Variants in CHD6 observed in about 807,000 individuals in gnomAD.
CHD6 encodes the protein ATP-dependent chromatin remodeler CHD6.
CHD6 carries 50 observed loss-of-function variants against 276.9 expected under a neutral mutation model. The ratio of observed to expected loss-of-function variants is 0.18; its 90% CI spans 0.14 to 0.23. The LOEUF is 0.23. Among genes scored for constraint, CHD6 ranks in the 10% least tolerant of loss-of-function variants. The pLI is 1.00. For synonymous variants in CHD6, 1,173 were observed against 1,229.3 expected, an observed-to-expected ratio of 0.95 and a Z score of 0.96; for missense variants, 2,564 against 3,365.8, an observed-to-expected ratio of 0.76 and a Z score of 5.89.
chr20:41,410,970 A>G (rs2046825159), intron 36 of CHD6, among the ~76,000 whole-genome samples: 1 of 152,182 alleles, frequency 6.6e-6, no homozygotes. Flanking sequence ...GGAAAGACAG[A>G]GGGGACACAA....
intron 1 of CHD6, among the ~76,000 whole-genome samples, chr20:41,576,854 T>C (rs1047904944): frequency 3.3e-5 from 5 of 152,214 alleles, no homozygotes; most frequent in Admixed American, 6.5e-5. Flanking sequence ...GATGTAGTCA[T>C]GTTCTCACCC....
intron 17 of CHD6, among the ~76,000 whole-genome samples, chr20:41,468,704 A>G (rs1262182674): frequency 6.6e-6 from 1 of 152,148 alleles, no homozygotes; most frequent in Non-Finnish European, 1.5e-5. Context: ...AACTCCAGAC[A>G]CACGTACTGT....
At chr20:41,592,388 T>C (rs141700237) in intron 1 of CHD6, among the ~76,000 whole-genome samples, 97 of 152,326 alleles carry the variant, frequency 6.4e-4, no homozygotes, top group African/African-American at 2.2e-3. Flanking sequence ...TTTAATTTGC[T>C]GGAGTAATAG....
At chr20:41,540,113 T>G (rs142178092) in intron 2 of CHD6, among the ~76,000 whole-genome samples, 1 of 152,308 alleles carries the variant, frequency 6.6e-6, no homozygotes, top group African/African-American at 2.4e-5. Flanking sequence ...CTCCCATGAG[T>G]AGAATGTAAG....
intron 5 of CHD6, among the ~76,000 whole-genome samples, chr20:41,508,249 G>A (rs1209088919): frequency 6.6e-6 from 1 of 152,100 alleles, no homozygotes; most frequent in Non-Finnish European, 1.5e-5. Flanking sequence ...TAAGTAACCT[G>A]CCTTATTAGA....
Position 41,533,404 on chromosome 20 carries a change from T to G in CHD6, c.200A>C (p.Glu67Ala). 6.2e-7 allele frequency: 1 copy of G among 1,614,120 alleles called. No homozygotes were observed. The highest frequency in any genetic ancestry group is 1.1e-5 in the South Asian group (1 of 91,072). The change falls in exon 3 of 37, where the codon GAA becomes GCA. Residue 67 changes from glutamate to alanine, a missense_variant. By Grantham distance (107) the Glu-to-Ala change is moderately radical. Coordinates refer to ENST00000373233, the MANE Select transcript of CHD6 (RefSeq NM_032221.5). ...TTTCCTAGGAAAAAGGGTAGCAGCT[T>G]CCTCTTCAGCAGTATACAGGTCCTT... ...PQKDLYTAEE[E>A]AATLFPRKMT...
At chr20:41,545,539 A>G (rs2045023995) in intron 2 of CHD6, among the ~76,000 whole-genome samples, 1 of 152,076 alleles carries the variant, frequency 6.6e-6, no homozygotes, top group African/African-American at 2.4e-5. Context: ...ATGAGGCCAA[A>G]AAGTCTTAAA....
intron 1 of CHD6, among the ~76,000 whole-genome samples, chr20:41,579,578 C>T (rs1434950688): frequency 6.6e-6 from 1 of 152,126 alleles, no homozygotes; most frequent in South Asian, 2.1e-4. Context: ...ACATCTGATA[C>T]TAGTGGTCTC....
intron 36 of CHD6, among the ~76,000 whole-genome samples, chr20:41,407,124 A>T (rs2046701829): frequency 1.3e-5 from 2 of 152,214 alleles, no homozygotes; most frequent in South Asian, 4.1e-4. Context: ...GGAGAGCTCA[A>T]CAGTGAGGGG....
Position 41,403,509 on chromosome 20 carries a change from G to C in CHD6, c.*1084C>G. The C allele has an allele frequency of 2.8e-6, 3 of 1,062,702 alleles. No homozygotes were observed. The highest frequency in any genetic ancestry group is 2.3e-6 in the Non-Finnish European group (2 of 877,700). The allele number at this position is 1,062,702 out of a possible 1,614,324, so 65.8% of individuals were successfully genotyped here. A position where few individuals can be genotyped will look rare whatever the true frequency, so the allele number is the denominator to read the frequency against. On this transcript the variant is annotated 3_prime_UTR_variant, in exon 37 of 37. Coordinates refer to ENST00000373233, the MANE Select transcript of CHD6 (RefSeq NM_032221.5). ...TGGGTCCAACTGTAAGATATAAACA[G>C]AATGGAGAAATTAATGGAGAAGTAA...
At chr20:41,602,124 G>A (rs1419044803) in intron 1 of CHD6, among the ~76,000 whole-genome samples, 2 of 152,190 alleles carry the variant, frequency 1.3e-5, no homozygotes, top group South Asian at 2.1e-4. Flanking sequence ...TCTCCTTTTG[G>A]TTAGCAGATT....
In CHD6 at chr20:41,421,916, G is replaced by C. The variant is rs2047207118; in HGVS notation, c.4719C>G (p.Val1573=). 1.2e-6 allele frequency: 2 copies of C among 1,613,946 alleles called. No individual in the cohort carries two copies. Among genetic ancestry groups the C allele is most frequent in the African/African-American group, 1.3e-5 (1 of 74,932 alleles). Reference sequence around the variant, plus strand: ...GATCATGCTTCCCACACTCCCACCAGACTGGGAGGTAGAGGCTGGGCCTGC... The same window carrying C: ...GATCATGCTTCCCACACTCCCACCACACTGGGAGGTAGAGGCTGGGCCTGC... The part of the protein sequence containing the change: ...QLCRPSLYLP[V]WWECGKHDRD... Residue 1573 remains valine (V), a synonymous_variant, in exon 31 of 37, where the codon GTC becomes GTG. Coordinates refer to ENST00000373233, the MANE Select transcript of CHD6 (RefSeq NM_032221.5).
chr20:41,513,607 T>C lies in CHD6; in HGVS notation c.703-612A>G, dbSNP rs571536014. Among the ~76,000 whole-genome samples the C allele has an allele frequency of 2.0e-5, 3 of 152,268 alleles. No individual in the cohort carries two copies. The East Asian group carries it at 5.8e-4, about 29-fold the overall frequency. On this transcript the variant is annotated intron_variant, in intron 4 of 36. Coordinates refer to ENST00000373233, the MANE Select transcript of CHD6 (RefSeq NM_032221.5). ...GATGATCTAAGGATTCATCTCTAAT[T>C]AAGAAGCTGTACCTTTTAATAATCA...
chr20:41,565,046 G>A (rs1372688290), intron 1 of CHD6, among the ~76,000 whole-genome samples: 3 of 151,664 alleles, frequency 2.0e-5, no homozygotes, highest in Non-Finnish European at 4.4e-5. Context: ...CAGCAGGCTA[G>A]CAAATAAAAC....
chr20:41,594,014 T>C (rs2045691970), intron 1 of CHD6, among the ~76,000 whole-genome samples: 1 of 151,722 alleles, frequency 6.6e-6, no homozygotes, highest in Admixed American at 6.6e-5. Flanking sequence ...AAAAATCCCA[T>C]GATCAAGAAG....
intron 3 of CHD6, among the ~76,000 whole-genome samples, chr20:41,520,282 A>G (rs1018145312): frequency 2.0e-5 from 3 of 152,222 alleles, no homozygotes; most frequent in African/African-American, 7.2e-5. Context: ...AGGGATCTAG[A>G]AGTAGAAATA....
At chr20:41,532,992 G>A in intron 3 of CHD6, 58 bp downstream of exon 3, 1 of 1,523,020 alleles carries the variant, frequency 6.6e-7, no homozygotes, top group South Asian at 1.3e-5. Flanking sequence ...TAATGCCAAA[G>A]GCAAATCGTT....
intron 25 of CHD6, among the ~76,000 whole-genome samples, chr20:41,442,343 T>C (rs2145609465): frequency 6.6e-6 from 1 of 151,642 alleles, no homozygotes; most frequent in Non-Finnish European, 1.5e-5. Context: ...CCCCAGCTAC[T>C]TGGGAGGCTG....
intron 16 of CHD6, among the ~76,000 whole-genome samples, chr20:41,474,108 C>CA (rs1260442923): frequency 6.6e-6 from 1 of 152,068 alleles, no homozygotes; most frequent in Non-Finnish European, 1.5e-5. Flanking sequence ...GTCTTCTGGA[C>CA]AGTAGTACAT....
Sources: gnomAD v4.1 joint callset for allele counts (sites outside exome capture counted in the v4.1 genomes callset) on GRCh38, gnomAD v4.1.1 for gene constraint, MANE v1.5 for transcripts, NCBI Gene and HGNC (gene_info 2026-07-23, HGNC 2026-07-21) for gene names.